OLFM2: variants seen among roughly 807,000 people sequenced by gnomAD.
OLFM2 encodes the protein olfactomedin 2.
OLFM2 carries 20 observed loss-of-function variants against 43.9 expected under a neutral mutation model. The observed-to-expected ratio is 0.46, with a 90% CI of 0.32 to 0.66. The LOEUF (loss-of-function observed/expected upper bound fraction) is 0.66, where lower values mean the gene tolerates loss of function less well. Among genes scored for constraint, OLFM2 ranks in the 30% least tolerant of loss-of-function variants. The probability of loss-of-function intolerance (pLI) is 0.04; values close to 1 mark genes in which losing one functional copy is unlikely to be tolerated. For missense variants in OLFM2, 416 were observed against 643.6 expected (o/e 0.65, Z 3.83); for synonymous variants, 268 against 278.6 (o/e 0.96, Z 0.38).
Position 9,898,130 on chromosome 19 carries a change from C to G in OLFM2, c.64-37336G>C, listed in dbSNP as rs1023284793. The stretch of plus-strand genomic sequence containing the variant: ...TTCACCATGTTGGTCAGGGTGGTCT[C>G]GAACTCCTGACCTCAGGTGATACAC... On this transcript the variant is annotated intron_variant, in intron 1 of 5. Coordinates refer to ENST00000264833, the MANE Select transcript of OLFM2 (RefSeq NM_058164.4). Among the ~76,000 whole-genome samples the G allele has an allele frequency of 3.4e-5, 5 of 145,532 alleles. No individual in the cohort carries two copies. In the East Asian group the frequency reaches 9.0e-4, roughly 26 times the overall value.
chr19:9,929,428 T>C (rs1365259172), intron 1 of OLFM2, among the ~76,000 whole-genome samples: 1 of 150,802 alleles, frequency 6.6e-6, no homozygotes, highest in Non-Finnish European at 1.5e-5. Context: ...AAACCCTGTC[T>C]CTACTAAAAA....
chr19:9,862,270 C>T (rs566088922), intron 1 of OLFM2, among the ~76,000 whole-genome samples: 1 of 152,134 alleles, frequency 6.6e-6, no homozygotes, highest in South Asian at 2.1e-4. Flanking sequence ...CTGAGGGTCT[C>T]TGAGGAGGTA....
rs751151200 is a variant in OLFM2 at position 9,854,525 on chromosome 19, C to T, written c.1026G>A (p.Ala342=). 1.5e-5 allele frequency: 25 copies of T among 1,613,696 alleles called. No homozygotes were observed. The East Asian group carries it at 2.7e-4, about 17-fold the overall frequency. ...LWAVYTTNQN[A]GNIVVSRLDP... is the part of the protein sequence containing the mutation. Reference sequence around the variant, plus strand: ...CCAGCCGGCTGACCACGATGTTGCCCGCGTTCTGGTTGGTGGTGTACACAG... The same window carrying T: ...CCAGCCGGCTGACCACGATGTTGCCTGCGTTCTGGTTGGTGGTGTACACAG... Residue 342 remains alanine (A), a synonymous_variant, in exon 6 of 6, where the codon GCG becomes GCA. Transcript: ENST00000264833. The surrounding 1 kb of genome is among the most constrained non-coding windows in gnomAD (Gnocchi z 9.5).
rs1251173150 is a variant in OLFM2 at position 9,854,696 on chromosome 19, G to A, written c.855C>T (p.Ser285=). 2 of 1,614,220 alleles carry A rather than the reference G, an allele frequency of 1.2e-6. No homozygotes were observed. The highest frequency in any genetic ancestry group is 2.7e-5 in the African/African-American group (2 of 75,060). Residue 285 remains serine, a synonymous_variant, in exon 6 of 6, where the codon AGC becomes AGT. Coordinates refer to ENST00000264833, the MANE Select transcript of OLFM2 (RefSeq NM_058164.4). The surrounding 1 kb of genome is among the most constrained non-coding windows in gnomAD (Gnocchi z 9.5). ...GGAAGTGGTATTTGACCACCACGTTGCTCTGGTACTTGTTATAGAACAGGG... is the reference window on the plus strand; with the variant it reads ...GGAAGTGGTATTTGACCACCACGTTACTCTGGTACTTGTTATAGAACAGGG... The part of the protein sequence containing the change: ...NGSLFYNKYQ[S]NVVVKYHFRS...
intron 1 of OLFM2, among the ~76,000 whole-genome samples, chr19:9,871,556 T>C (rs1467803471): frequency 7.1e-6 from 1 of 140,128 alleles, no homozygotes; most frequent in Non-Finnish European, 1.5e-5. Context: ...CTGGGCCACA[T>C]AGCATGACTC....
chr19:9,927,283 A>C (rs2086459573), intron 1 of OLFM2, among the ~76,000 whole-genome samples: 1 of 152,072 alleles, frequency 6.6e-6, no homozygotes, highest in Non-Finnish European at 1.5e-5. Context: ...CTCTGTCTCG[A>C]AAAAAATATA....
At chr19:9,910,281 C>G (rs1344731779) in intron 1 of OLFM2, among the ~76,000 whole-genome samples, 2 of 152,146 alleles carry the variant, frequency 1.3e-5, no homozygotes, top group Non-Finnish European at 1.5e-5. Flanking sequence ...CAAAGTCACA[C>G]AGCTAGTAAA....
Position 9,936,420 on chromosome 19 carries a change from C to A in OLFM2, c.-54G>T. The A allele has an allele frequency of 6.0e-6, 7 of 1,165,492 alleles. No individual in the cohort carries two copies. Among genetic ancestry groups the A allele is most frequent in the Non-Finnish European group, 7.4e-6 (7 of 946,698 alleles). 72.2% of individuals were successfully genotyped at this position (1,165,492 alleles called of 1,614,324 possible). A position where few individuals can be genotyped will look rare whatever the true frequency, so the allele number is the denominator to read the frequency against. On this transcript the variant is annotated 5_prime_UTR_variant, in exon 1 of 6. Coordinates refer to ENST00000264833, the MANE Select transcript of OLFM2 (RefSeq NM_058164.4). ...CCCGCCCGCCCTAGCGGCGCCTCGGCGCGGGGACCGCCACCAGGCGCGACC... is the reference window on the plus strand; with the variant it reads ...CCCGCCCGCCCTAGCGGCGCCTCGGAGCGGGGACCGCCACCAGGCGCGACC...
At chr19:9,880,653 G>C (rs1172098871) in intron 1 of OLFM2, among the ~76,000 whole-genome samples, 1 of 151,912 alleles carries the variant, frequency 6.6e-6, no homozygotes, top group Non-Finnish European at 1.5e-5. Context: ...ACACACATAG[G>C]AAAAGACCAC....
Position 9,856,462 on chromosome 19 carries a change from G to A in OLFM2, c.687+345C>T, listed in dbSNP as rs560684929. On this transcript the variant is annotated intron_variant, in intron 5 of 5. Transcript: ENST00000264833. The surrounding 1 kb of genome is among the most constrained non-coding windows in gnomAD (Gnocchi z 4.0). ...TGACCATGGAAGCTACTAGAAGTCC[G>A]AAGGTCACTGAGCAGTGCTTGGTGG... 1.2e-4 allele frequency among the ~76,000 whole-genome samples: 19 copies of A among 152,330 alleles called. No homozygotes were observed. Among genetic ancestry groups the A allele is most frequent in the African/African-American group, 4.1e-4 (17 of 41,578 alleles).
intron 1 of OLFM2, among the ~76,000 whole-genome samples, chr19:9,888,527 A>AAC (rs1555726168): frequency 2.7e-5 from 4 of 150,912 alleles, no homozygotes; most frequent in South Asian, 2.1e-4. Flanking sequence ...ACCTCAAAAA[A>AAC]AAAAAACAAA....
intron 1 of OLFM2, among the ~76,000 whole-genome samples, chr19:9,867,580 G>A (rs1365142088): frequency 6.6e-6 from 1 of 152,000 alleles, no homozygotes; most frequent in Admixed American, 6.6e-5. Flanking sequence ...GGCACCTTGG[G>A]GCTTACATAT....
At chr19:9,882,318 C>CACTTG (rs2046546530) in intron 1 of OLFM2, among the ~76,000 whole-genome samples, 1 of 150,536 alleles carries the variant, frequency 6.6e-6, no homozygotes, top group African/African-American at 2.4e-5. Flanking sequence ...GTGGGTGGAT[C>CACTTG]GTGAGGTCAG....
intron 1 of OLFM2, among the ~76,000 whole-genome samples, chr19:9,901,213 A>G: frequency 6.7e-6 from 1 of 148,236 alleles, no homozygotes. Flanking sequence ...GACGGAAAGA[A>G]AGAAAGGAGA....
In OLFM2 at chr19:9,908,464, ATTTTTTTTTTTT is replaced by A. The variant is rs34305631; in HGVS notation, c.63+27828_63+27839del. Reference sequence around the variant, plus strand: ...AGGTGCCTGCCATCACACCTGGCTAATTTTTTTTTTTTTTTTTTTTTTTTTTTTTTTGAGACA... The same window carrying A: ...AGGTGCCTGCCATCACACCTGGCTAATTTTTTTTTTTTTTTTTTTGAGACA... On this transcript the variant is annotated intron_variant, in intron 1 of 5. Transcript: ENST00000264833. Among the ~76,000 whole-genome samples the A allele has an allele frequency of 7.7e-4, 31 of 40,368 alleles. No homozygotes were observed. In the East Asian group the frequency reaches 0.018, roughly 23 times the overall value. The allele number at this position is 40,368 out of a possible 152,430, so 26.5% of individuals were successfully genotyped here.
intron 1 of OLFM2, among the ~76,000 whole-genome samples, chr19:9,923,633 GAAAGA>G (rs1358214399): frequency 6.9e-6 from 1 of 145,600 alleles, no homozygotes; most frequent in African/African-American, 2.5e-5. Flanking sequence ...GAGAGAGAAG[GAAAGA>G]AAAGGAAAGG....
At chr19:9,915,923 G>A (rs1204904440) in intron 1 of OLFM2, among the ~76,000 whole-genome samples, 1 of 152,256 alleles carries the variant, frequency 6.6e-6, no homozygotes, top group Non-Finnish European at 1.5e-5. Context: ...AAGGCCCTGG[G>A]GCAGGAGTGT....
At chr19:9,928,773 C>T (rs111372427) in intron 1 of OLFM2, among the ~76,000 whole-genome samples, 3 of 151,396 alleles carry the variant, frequency 2.0e-5, no homozygotes, top group Non-Finnish European at 4.4e-5. Flanking sequence ...CCACTGCACT[C>T]CAGACTGGGC....
intron 1 of OLFM2, among the ~76,000 whole-genome samples, chr19:9,905,024 G>GA (rs1399324174): frequency 7.5e-5 from 11 of 146,950 alleles, no homozygotes; most frequent in South Asian, 4.3e-4. Flanking sequence ...GTCTTGGGAG[G>GA]AAAAAAAAAA....
Sources: gnomAD v4.1 joint callset for allele counts (sites outside exome capture counted in the v4.1 genomes callset) on GRCh38, gnomAD v4.1.1 for gene constraint, Gnocchi (gnomAD v3.1) non-coding constraint, MANE v1.5 for transcripts, NCBI Gene and HGNC (gene_info 2026-07-23, HGNC 2026-07-21) for gene names.